The following TRA2A variants were observed in gnomAD, a reference collection of about 807,000 sequenced individuals.
The protein encoded by TRA2A is transformer 2 alpha homolog.
TRA2A carries 31 observed loss-of-function variants against 45.7 expected under a neutral mutation model. That is an observed-to-expected ratio of 0.68 (90% confidence interval 0.51 to 0.92). The LOEUF is 0.92. TRA2A is among the 40% of genes least tolerant of loss of function. TRA2A has a pLI of 0.00. For synonymous variants in TRA2A, 132 were observed against 126.2 expected (o/e 1.05, Z -0.31); for missense variants, 304 against 367.5 (o/e 0.83, Z 1.41).
rs1193602009 is a variant in TRA2A, at chr7:23,505,480, G to A, written c.*79C>T. ...TCTTAAGGAGTAGGAAGAATCCACA[G>A]CTTGGGGAAATCTCAGAATTAAAAA... On this transcript the variant is annotated 3_prime_UTR_variant, in exon 8 of 8. Transcript: ENST00000297071. 7 of 487,846 alleles carry A rather than the reference G, an allele frequency of 1.4e-5. No individual in the cohort carries two copies. The highest frequency in any genetic ancestry group is 2.2e-5 in the Non-Finnish European group (6 of 274,656). 30.2% of individuals were successfully genotyped at this position (487,846 alleles called of 1,614,324 possible).
At position 23,507,526 on chromosome 7, in the gene TRA2A, T is replaced by G; in HGVS notation, c.535A>C (p.Arg179=). 1 of 1,613,582 alleles carries G rather than the reference T, an allele frequency of 6.2e-7. No individual in the cohort carries two copies. Among genetic ancestry groups the G allele is most frequent in the Non-Finnish European group, 8.5e-7 (1 of 1,179,516 alleles). The change falls in exon 5 of 8, where the codon AGG becomes CGG. Residue 179 remains arginine (R), a synonymous_variant. Transcript: ENST00000297071. ...CCATCCAGCTCCATTCCATTTGCCC[T>G]TTCCATAGCCTATAAAGAACAGGCA... is the stretch of plus-strand genomic sequence containing the variant. ...RIDDSKEAME[R]ANGMELDGRR...
chr7:23,509,476 C>T (rs1789496099), intron 4 of TRA2A, among the ~76,000 whole-genome samples: 2 of 152,276 alleles, frequency 1.3e-5, no homozygotes, highest in South Asian at 4.2e-4. Context: ...TGGCTCACAC[C>T]TGTACTCCCA....
chr7:23,519,362 GAC>G (rs1790031398), intron 2 of TRA2A, among the ~76,000 whole-genome samples: 1 of 151,896 alleles, frequency 6.6e-6, no homozygotes, highest in South Asian at 2.1e-4. Context: ...CCAGCCTGGC[GAC>G]AGAGTGAGAC....
intron 5 of TRA2A, 148 bp downstream of exon 5, chr7:23,507,272 T>A (rs545366647): frequency 1.6e-5 from 10 of 624,040 alleles, no homozygotes; most frequent in Middle Eastern, 3.3e-4. Flanking sequence ...GCTGATTTTT[T>A]ATTTTTTTTT....
rs1416844177 is a variant in TRA2A, at chr7:23,526,238, T to C, written c.37-4398A>G. Among the ~76,000 whole-genome samples the C allele has an allele frequency of 3.3e-5, 5 of 152,178 alleles. No individual in the cohort carries two copies. The East Asian group carries it at 9.6e-4, about 29-fold the overall frequency. ...AAAAGAAATTCCAACACAATATATA[T>C]ATGTGCTATCCATTAAAATAAATAA... is the stretch of plus-strand genomic sequence containing the variant. On this transcript the variant is annotated intron_variant, in intron 1 of 7. Transcript: ENST00000297071.
intron 2 of TRA2A, among the ~76,000 whole-genome samples, chr7:23,520,569 T>C (rs137943896): frequency 6.6e-6 from 1 of 152,330 alleles, no homozygotes; most frequent in African/African-American, 2.4e-5. Flanking sequence ...GACAGCCTTT[T>C]AACTGATTTT....
intron 4 of TRA2A, among the ~76,000 whole-genome samples, chr7:23,509,687 T>G (rs1238485542): frequency 6.7e-6 from 1 of 149,514 alleles, no homozygotes. Flanking sequence ...GAGCCGAGAT[T>G]GTGCCACTGC....
chr7:23,527,040 T>C (rs1372138736), intron 1 of TRA2A, among the ~76,000 whole-genome samples: 1 of 152,180 alleles, frequency 6.6e-6, no homozygotes, highest in African/African-American at 2.4e-5. Flanking sequence ...TCAATTGTAA[T>C]GTTCAAAAAA....
intron 5 of TRA2A, 167 bp from the exon 6 acceptor site, chr7:23,506,433 C>A: frequency 1.3e-6 from 1 of 796,984 alleles, no homozygotes; most frequent in Non-Finnish European, 1.8e-6. Context: ...TCTGGTTTGC[C>A]TTATTCCCTA....
rs572748011 is a variant in TRA2A, at chr7:23,514,169, G to C, written c.337-1087C>G. 3.3e-5 allele frequency among the ~76,000 whole-genome samples: 5 copies of C among 151,284 alleles called. No individual in the cohort carries two copies. The South Asian group carries it at 1.0e-3, about 32-fold the overall frequency. On this transcript the variant is annotated intron_variant, in intron 3 of 7. Transcript: ENST00000297071. The stretch of plus-strand genomic sequence containing the variant: ...CGCAACCTCCACCTCCCGAGGTCCA[G>C]CCATTCTCCTGCTTCAGCCTCCCAA...
rs937825872 is a variant in TRA2A, at chr7:23,512,361, G to A, written c.525+533C>T. Among the ~76,000 whole-genome samples, 8 of 152,310 alleles carry A rather than the reference G, an allele frequency of 5.3e-5. No homozygotes were observed. In the East Asian group the frequency reaches 1.4e-3, roughly 26 times the overall value. ...TATCTGGGCATGGTGGCCCACACTT[G>A]TAGTGTCTGCTACTCAGGAGGCTGA... On this transcript the variant is annotated intron_variant, in intron 4 of 7. Transcript: ENST00000297071.
At chr7:23,531,259 C>A in intron 1 of TRA2A, 1 of 987,374 alleles carries the variant, frequency 1.0e-6, no homozygotes, top group Non-Finnish European at 1.2e-6. Flanking sequence ...CCAACAGAGA[C>A]GCGGCCGCTC....
intron 4 of TRA2A, among the ~76,000 whole-genome samples, chr7:23,508,297 A>AG (rs71760714): frequency 1.5e-5 from 2 of 137,806 alleles, no homozygotes; most frequent in African/African-American, 2.7e-5. Context: ...AAAAAAAAAA[A>AG]GGAGGTCTCA....
chr7:23,511,646 A>G (rs946455840), intron 4 of TRA2A, among the ~76,000 whole-genome samples: 2 of 152,022 alleles, frequency 1.3e-5, no homozygotes, highest in Non-Finnish European at 2.9e-5. Context: ...CACCTTGGGA[A>G]GCCAAGGCAG....
intron 4 of TRA2A, among the ~76,000 whole-genome samples, chr7:23,511,535 A>G (rs1789622296): frequency 1.3e-5 from 2 of 151,984 alleles, no homozygotes; most frequent in African/African-American, 2.4e-5. Flanking sequence ...ATTGAGCTTC[A>G]AATTCTTTAA....
At chr7:23,518,924 T>A (rs896083929) in intron 2 of TRA2A, among the ~76,000 whole-genome samples, 5 of 152,020 alleles carry the variant, frequency 3.3e-5, no homozygotes, top group African/African-American at 9.7e-5. Flanking sequence ...TGACCTCAAG[T>A]GATCCACCCC....
chr7:23,515,034 T>TTA (rs1324314379), intron 3 of TRA2A, among the ~76,000 whole-genome samples: 5 of 152,084 alleles, frequency 3.3e-5, no homozygotes, highest in African/African-American at 1.2e-4. Flanking sequence ...TCAATTTTTT[T>TTA]TATATATAAC....
intron 1 of TRA2A, among the ~76,000 whole-genome samples, chr7:23,528,842 C>T (rs958278077): frequency 3.9e-5 from 6 of 151,932 alleles, no homozygotes; most frequent in Non-Finnish European, 7.4e-5. Flanking sequence ...CTGTAGGAGT[C>T]TCTCAAAAAT....
intron 3 of TRA2A, among the ~76,000 whole-genome samples, chr7:23,515,363 G>A (rs1789817707): frequency 6.6e-6 from 1 of 150,806 alleles, no homozygotes; most frequent in Non-Finnish European, 1.5e-5. Flanking sequence ...CGGAGTAGCT[G>A]GGACTACAGG....
Sources: gnomAD v4.1 joint callset for allele counts (sites outside exome capture counted in the v4.1 genomes callset) on GRCh38, gnomAD v4.1.1 for gene constraint, MANE v1.5 for transcripts, NCBI Gene and HGNC (gene_info 2026-07-23, HGNC 2026-07-21) for gene names.